The following VPS13D variants were observed in gnomAD, a reference collection of about 807,000 sequenced individuals.
The protein encoded by VPS13D is vacuolar protein sorting 13 homolog D.
A neutral mutation model predicts 461.9 loss-of-function variants in VPS13D; 187 were observed. That is an observed-to-expected ratio of 0.40 (90% CI 0.36 to 0.46). VPS13D has a LOEUF of 0.46. Ranked by LOEUF, VPS13D falls within the 20% of genes least tolerant of loss-of-function variation. The pLI is 0.60. For synonymous variants in VPS13D, 1,951 were observed against 1,986.3 expected (o/e 0.98, Z 0.47); for missense variants, 4,711 against 5,364.9 (o/e 0.88, Z 3.81).
chr1:12,468,615 A>T (rs1645522753), intron 67 of VPS13D, among the ~76,000 whole-genome samples: 1 of 152,220 alleles, frequency 6.6e-6, no homozygotes, highest in African/African-American at 2.4e-5. Context: ...TCTTGCCCTG[A>T]TGTATTTATC....
chr1:12,277,617 T>C lies in VPS13D; in HGVS notation c.4029T>C (p.Phe1343=), dbSNP rs1228398491. ...TAEYSEMVSL[F]ETPRKTREPF... Reference sequence around the variant, plus strand: ...AGTATAGCGAGATGGTATCGCTCTTTGAAACTCCAAGGAAGACTCGGGAAC... The same window carrying C: ...AGTATAGCGAGATGGTATCGCTCTTCGAAACTCCAAGGAAGACTCGGGAAC... The change falls in exon 19 of 70, where the codon TTT becomes TTC. Residue 1343 remains phenylalanine, a synonymous_variant. Transcript: ENST00000620676. The C allele has an allele frequency of 1.9e-6, 3 of 1,613,870 alleles. No homozygotes were observed. The African/African-American group carries it at 4.0e-5, about 22-fold the overall frequency.
chr1:12,283,060 A>G lies in VPS13D; in HGVS notation c.4958A>G (p.Glu1653Gly), dbSNP rs1641838405. ...TTAAAGTTTCAGGACTTTGAGGTGG[A>G]ATTCAGTAAAGACCATCCCCAGACT... Reference protein sequence around the residue: ...VSLKFQDFEVEFSKDHPQTLS... With the variant: ...VSLKFQDFEVGFSKDHPQTLS... The change falls in exon 21 of 70, where the codon GAA (glutamate) becomes GGA (glycine). Residue 1653 changes from glutamate (E) to glycine (G), a missense_variant. Coordinates refer to ENST00000620676, the MANE Select transcript of VPS13D (RefSeq NM_015378.4). 1.9e-6 allele frequency: 3 copies of G among 1,614,070 alleles called. No individual in the cohort carries two copies. Among genetic ancestry groups the G allele is most frequent in the Non-Finnish European group, 2.5e-6 (3 of 1,180,034 alleles).
At chr1:12,345,191 G>A (rs2101582470) in intron 42 of VPS13D, among the ~76,000 whole-genome samples, 183 bp from the exon 43 acceptor site, 1 of 152,316 alleles carries the variant, frequency 6.6e-6, no homozygotes, top group Middle Eastern at 3.4e-3. Flanking sequence ...TGCAGTTTGT[G>A]TTGTAAGTGT....
intron 17 of VPS13D, 102 bp downstream of exon 17, chr1:12,271,226 A>G (rs903027098): frequency 7.1e-6 from 10 of 1,414,192 alleles, no homozygotes; most frequent in African/African-American, 1.4e-5. Flanking sequence ...TATATCAATT[A>G]TGCTGACTGA....
chr1:12,276,266 C>T lies in VPS13D; in HGVS notation c.2678C>T (p.Ala893Val), dbSNP rs764494825. The T allele has an allele frequency of 2.5e-6, 4 of 1,614,166 alleles. No homozygotes were observed. The highest frequency in any genetic ancestry group is 3.4e-6 in the Non-Finnish European group (4 of 1,180,034). ...CACATTAATGAAGATAAAATATCTG[C>T]ACTAAAGAATTGCTTTGCTCTCCTC... is the stretch of plus-strand genomic sequence containing the variant. ...KIHINEDKIS[A>V]LKNCFALLTT... The change falls in exon 19 of 70, where the codon GCA becomes GTA. Residue 893 changes from alanine (A) to valine (V), a missense_variant. Physicochemically the swap from Ala to Val is moderately conservative, Grantham distance 64. Transcript: ENST00000620676. This position sits in a 1 kb window ranked among gnomAD's most constrained non-coding sequence, Gnocchi z 4.5.
At chr1:12,272,651 C>G (rs1290149250) in intron 17 of VPS13D, among the ~76,000 whole-genome samples, 2 of 151,826 alleles carry the variant, frequency 1.3e-5, no homozygotes, top group Non-Finnish European at 1.5e-5. Flanking sequence ...TTACCAATGC[C>G]CCTGAATAAG....
At chr1:12,389,378 C>A (rs1266293502) in intron 60 of VPS13D, among the ~76,000 whole-genome samples, 1 of 152,082 alleles carries the variant, frequency 6.6e-6, no homozygotes, top group African/African-American at 2.4e-5. Context: ...TTGTCAACTG[C>A]CGAGATTATA....
chr1:12,455,851 G>A (rs116038307), intron 65 of VPS13D, 147 bp from the exon 66 acceptor site: 14,799 of 972,744 alleles, frequency 0.015, 128 homozygotes, highest in African/African-American at 0.019. Context: ...CCTGGGAGGC[G>A]GAGGTTGTGA....
chr1:12,397,200 C>T (rs1644511689), intron 60 of VPS13D, among the ~76,000 whole-genome samples: 1 of 152,140 alleles, frequency 6.6e-6, no homozygotes, highest in African/African-American at 2.4e-5. Context: ...TCGCAGAGTG[C>T]TGGGATTACA....
chr1:12,316,359 G>A (rs1642886922), intron 30 of VPS13D, among the ~76,000 whole-genome samples: 1 of 152,150 alleles, frequency 6.6e-6, no homozygotes, highest in Non-Finnish European at 1.5e-5. Flanking sequence ...TTTCGTGTCT[G>A]AAGAAGAATT....
At chr1:12,230,322 C>G (rs986295047) in intron 1 of VPS13D, among the ~76,000 whole-genome samples, 1 of 152,130 alleles carries the variant, frequency 6.6e-6, no homozygotes, top group African/African-American at 2.4e-5. Flanking sequence ...TCTGCTCCCC[C>G]CGGGCCCCAA....
intron 9 of VPS13D, 101 bp downstream of exon 9, chr1:12,257,188 A>C (rs1455572176): frequency 9.7e-7 from 1 of 1,026,028 alleles, no homozygotes; most frequent in East Asian, 2.5e-5. Flanking sequence ...CCATGTTTGG[A>C]GATAAAAGTA....
intron 34 of VPS13D, 137 bp downstream of exon 34, chr1:12,322,883 A>G: frequency 1.4e-6 from 1 of 721,862 alleles, no homozygotes; most frequent in Non-Finnish European, 2.2e-6. Flanking sequence ...AGTCCTAAGT[A>G]TGACTCTCTC....
chr1:12,342,076 C>G (rs542373868), intron 41 of VPS13D, among the ~76,000 whole-genome samples, 191 bp downstream of exon 41: 9 of 152,092 alleles, frequency 5.9e-5, no homozygotes, highest in African/African-American at 2.2e-4. Context: ...GAAGCAGGTC[C>G]TGAGTCTAAT....
At chr1:12,343,695 T>C (rs893845672) in intron 42 of VPS13D, among the ~76,000 whole-genome samples, 3 of 152,162 alleles carry the variant, frequency 2.0e-5, no homozygotes, top group African/African-American at 7.2e-5. Flanking sequence ...AAATAAAGAC[T>C]TTGCTGCCAT....
chr1:12,449,293 C>G (rs1026040699), intron 65 of VPS13D, among the ~76,000 whole-genome samples: 1 of 152,122 alleles, frequency 6.6e-6, no homozygotes, highest in Non-Finnish European at 1.5e-5. Flanking sequence ...AATCCATAAC[C>G]AAGTAGAACT....
rs1643602996 is a variant in VPS13D, at chr1:12,342,945, A to C, written c.8779A>C (p.Asn2927His). The C allele has an allele frequency of 6.2e-7, 1 of 1,613,834 alleles. No homozygotes were observed. The highest frequency in any genetic ancestry group is 8.5e-7 in the Non-Finnish European group (1 of 1,179,762). Reference sequence around the variant, plus strand: ...GAGTCCAGGGGTAGTTCCAGAAGGGAACGGAACATTTCTCGATGATACTCA... The same window carrying C: ...GAGTCCAGGGGTAGTTCCAGAAGGGCACGGAACATTTCTCGATGATACTCA... ...SGSPGVVPEG[N>H]GTFLDDTHNV... is the part of the protein sequence containing the mutation. The change falls in exon 42 of 70, where the codon AAC (asparagine) becomes CAC (histidine). Residue 2927 changes from asparagine to histidine, a missense_variant. This residue lies in a region of VPS13D where 4,411 missense variants were observed against 4,937.8 expected (regional missense o/e 0.89). Coordinates refer to ENST00000620676, the MANE Select transcript of VPS13D (RefSeq NM_015378.4).
At chr1:12,382,942 T>C (rs1243950561) in intron 57 of VPS13D, 34 bp from the exon 58 acceptor site, 1 of 1,586,104 alleles carries the variant, frequency 6.3e-7, no homozygotes. Context: ...TGCCTCTGTC[T>C]TTTCTCACAT....
intron 60 of VPS13D, among the ~76,000 whole-genome samples, chr1:12,387,031 T>C (rs976103096): frequency 2.0e-5 from 3 of 152,178 alleles, no homozygotes; most frequent in African/African-American, 4.8e-5. Flanking sequence ...ACCGTCCCTC[T>C]TGAGTATTTA....
Sources: gnomAD v4.1 joint callset for allele counts (sites outside exome capture counted in the v4.1 genomes callset) on GRCh38, gnomAD v4.1.1 for gene constraint, gnomAD v4.1.1 regional missense constraint, Gnocchi (gnomAD v3.1) non-coding constraint, MANE v1.5 for transcripts, NCBI Gene and HGNC (gene_info 2026-07-23, HGNC 2026-07-21) for gene names.